The following HDAC8 variants were observed in gnomAD, a reference collection of about 807,000 sequenced individuals.
HDAC8 encodes histone deacetylase 8.
HDAC8 carries 1 observed loss-of-function variant against 32.2 expected under a neutral mutation model. The ratio of observed to expected loss-of-function variants is 0.03; its 90% CI spans 0.01 to 0.15. HDAC8 has a LOEUF of 0.15. Ranked by LOEUF, HDAC8 falls within the 10% of genes least tolerant of loss-of-function variation. The pLI is 1.00. For synonymous variants in HDAC8, 108 were observed against 113.9 expected, an observed-to-expected ratio of 0.95 and a Z score of 0.33; for missense variants, 117 against 300.0, an observed-to-expected ratio of 0.39 and a Z score of 4.51.
intron 8 of HDAC8, among the ~76,000 whole-genome samples, chrX:72,462,984 T>C (rs979710869): frequency 8.9e-6 from 1 of 111,765 alleles, no homozygotes; most frequent in Non-Finnish European, 1.9e-5. Context: ...TGGGATAACA[T>C]GTATAAACTC....
At chrX:72,469,149 GT>G (rs60517532) in intron 7 of HDAC8, among the ~76,000 whole-genome samples, 3 of 105,434 alleles carry the variant, frequency 2.8e-5, no homozygotes, top group East Asian at 3.0e-4. Flanking sequence ...CTATTCCCTA[GT>G]TTTTTTTTTC....
intron 4 of HDAC8, among the ~76,000 whole-genome samples, chrX:72,551,131 G>A (rs1290149944): frequency 9.1e-6 from 1 of 109,367 alleles, no homozygotes; most frequent in African/African-American, 3.3e-5. Context: ...TGAGGATCTG[G>A]TAGAACAGTC....
intron 7 of HDAC8, among the ~76,000 whole-genome samples, chrX:72,470,626 A>G (rs1468889983): frequency 9.0e-6 from 1 of 111,186 alleles, no homozygotes; most frequent in Admixed American, 9.6e-5. Context: ...CTGGCCGCCT[A>G]TACATACTTC....
At chrX:72,364,836 G>A (rs988917659) in intron 9 of HDAC8, among the ~76,000 whole-genome samples, 4 of 111,462 alleles carry the variant, frequency 3.6e-5, no homozygotes, top group African/African-American at 1.3e-4. Context: ...AAAGACCCCC[G>A]AAATAATATG....
intron 9 of HDAC8, among the ~76,000 whole-genome samples, chrX:72,452,697 A>G (rs932191057): frequency 8.9e-6 from 1 of 112,216 alleles, no homozygotes; most frequent in Admixed American, 9.4e-5. Flanking sequence ...TAACTTAATT[A>G]TCAGGAAAAA....
chrX:72,509,375 C>T (rs1302725979), intron 4 of HDAC8, among the ~76,000 whole-genome samples: 2 of 111,526 alleles, frequency 1.8e-5, no homozygotes, highest in African/African-American at 6.5e-5. Flanking sequence ...TCCCAAAGTG[C>T]TGGGATTACA....
chrX:72,392,811 G>T (rs2045647912), intron 9 of HDAC8, among the ~76,000 whole-genome samples: 1 of 111,862 alleles, frequency 8.9e-6, no homozygotes, highest in Non-Finnish European at 1.9e-5. Context: ...ACTTTTACTG[G>T]AAATACACCT....
intron 9 of HDAC8, among the ~76,000 whole-genome samples, chrX:72,386,599 A>G (rs2045436111): frequency 8.9e-6 from 1 of 111,921 alleles, no homozygotes; most frequent in Non-Finnish European, 1.9e-5. Flanking sequence ...AACCCGGTAC[A>G]GTTCTAAGCA....
intron 4 of HDAC8, among the ~76,000 whole-genome samples, chrX:72,548,185 C>G (rs1292525515): frequency 8.9e-6 from 1 of 111,940 alleles, no homozygotes; most frequent in African/African-American, 3.3e-5. Context: ...TCCCCATTTC[C>G]TATAGCAGAG....
At chrX:72,496,242 T>C (rs2049014607) in intron 4 of HDAC8, among the ~76,000 whole-genome samples, 1 of 111,210 alleles carries the variant, frequency 9.0e-6, no homozygotes, top group Admixed American at 9.6e-5. Context: ...TTGTAGTGCC[T>C]TCACAATGCA....
chrX:72,534,316 T>TATA (rs201131784), intron 4 of HDAC8, among the ~76,000 whole-genome samples: 3 of 83,254 alleles, frequency 3.6e-5, no homozygotes, highest in African/African-American at 2.2e-4. Context: ...TATATATATA[T>TATA]TTTTTTTTTT....
At chrX:72,498,623 A>G (rs1556014505) in intron 4 of HDAC8, among the ~76,000 whole-genome samples, 1 of 111,936 alleles carries the variant, frequency 8.9e-6, no homozygotes, top group Non-Finnish European at 1.9e-5. Context: ...GAACTATTCC[A>G]GATTACTGAA....
intron 10 of HDAC8, among the ~76,000 whole-genome samples, chrX:72,344,660 C>T (rs782101637): frequency 3.6e-5 from 4 of 111,707 alleles, no homozygotes; most frequent in Non-Finnish European, 7.5e-5. Flanking sequence ...GCTATGTTCC[C>T]TCCCCCAAGA....
At chrX:72,371,650 C>T (rs782675962) in intron 9 of HDAC8, among the ~76,000 whole-genome samples, 7 of 112,078 alleles carry the variant, frequency 6.2e-5, no homozygotes, top group African/African-American at 9.7e-5. Flanking sequence ...TTAGGTCTCT[C>T]GCTAAGCCTA....
At chrX:72,470,183 T>C (rs921376035) in intron 7 of HDAC8, among the ~76,000 whole-genome samples, 3 of 109,472 alleles carry the variant, frequency 2.7e-5, no homozygotes, top group Non-Finnish European at 5.7e-5. Context: ...CATACATACA[T>C]ACATACATAC....
At chrX:72,472,096 C>G (rs1344763405) in intron 7 of HDAC8, among the ~76,000 whole-genome samples, 2 of 104,084 alleles carry the variant, frequency 1.9e-5, no homozygotes, top group Non-Finnish European at 3.9e-5. Flanking sequence ...GAGACGGAGT[C>G]TCGCTCTGTC....
chrX:72,520,370 G>A (rs1365416349), intron 4 of HDAC8, among the ~76,000 whole-genome samples: 2 of 111,755 alleles, frequency 1.8e-5, no homozygotes, highest in African/African-American at 6.5e-5. Flanking sequence ...CATTTCATAG[G>A]CTTTAAAAGA....
intron 9 of HDAC8, among the ~76,000 whole-genome samples, chrX:72,405,442 T>C (rs1389949651): frequency 8.9e-6 from 1 of 112,472 alleles, no homozygotes; most frequent in African/African-American, 3.2e-5. Flanking sequence ...CACGTACATG[T>C]GTCCTAGAAT....
At chrX:72,453,468 G>GAA (rs2047631541) in intron 9 of HDAC8, among the ~76,000 whole-genome samples, 2 of 78,558 alleles carry the variant, frequency 2.5e-5, no homozygotes, top group Admixed American at 2.7e-4. Context: ...TAAAAATAAA[G>GAA]AAAGAAAGAA....
Sources: gnomAD v4.1 joint callset for allele counts (sites outside exome capture counted in the v4.1 genomes callset) on GRCh38, gnomAD v4.1.1 for gene constraint, MANE v1.5 for transcripts, NCBI Gene and HGNC (gene_info 2026-07-23, HGNC 2026-07-21) for gene names.